PXDNL: variants seen among roughly 807,000 people sequenced by gnomAD.
The protein encoded by PXDNL is peroxidasin like.
PXDNL carries 145 observed loss-of-function variants against 150.8 expected under a neutral mutation model. The observed-to-expected ratio is 0.96, with a 90% CI of 0.84 to 1.10. PXDNL has a LOEUF of 1.10. Among genes scored for constraint, PXDNL ranks in the 50% least tolerant of loss-of-function variants. The pLI is 0.00. For missense variants in PXDNL, 2,087 were observed against 1,873.9 expected, an observed-to-expected ratio of 1.11 and a Z score of -2.10; for synonymous variants, 757 against 725.7, an observed-to-expected ratio of 1.04 and a Z score of -0.69.
At chr8:51,738,334 C>A (rs922360330) in intron 1 of PXDNL, among the ~76,000 whole-genome samples, 6 of 152,200 alleles carry the variant, frequency 3.9e-5, no homozygotes, top group Non-Finnish European at 8.8e-5. Flanking sequence ...GCCAAAGCCA[C>A]CATCTTCTGT....
intron 3 of PXDNL, among the ~76,000 whole-genome samples, chr8:51,577,988 A>G (rs1487375717): frequency 2.9e-4 from 22 of 75,206 alleles, no homozygotes; most frequent in South Asian, 1.4e-3. Context: ...AGAAAGAAAG[A>G]AAGAAAGAAA....
At chr8:51,809,144 G>A in intron 1 of PXDNL, 37 bp downstream of exon 1, 1 of 1,608,016 alleles carries the variant, frequency 6.2e-7, no homozygotes, top group South Asian at 1.1e-5. Context: ...ATGAAGCATT[G>A]GGGAAGAGGG....
chr8:51,544,389 C>A (rs1812305036), intron 4 of PXDNL, among the ~76,000 whole-genome samples: 1 of 152,124 alleles, frequency 6.6e-6, no homozygotes, highest in South Asian at 2.1e-4. Context: ...GATGATTACT[C>A]CTCCCTATGC....
chr8:51,373,144 T>C (rs1807179886), intron 18 of PXDNL, among the ~76,000 whole-genome samples: 1 of 152,066 alleles, frequency 6.6e-6, no homozygotes, highest in African/African-American at 2.4e-5. Context: ...GTATTTAAGG[T>C]AAAAATAGAT....
In PXDNL at chr8:51,409,429, C is replaced by A. The variant is rs779273087; in HGVS notation, c.2195G>T (p.Gly732Val). ...CFHAKYRAHDGTCNNLQQPTW... is the reference protein window; with the variant it reads ...CFHAKYRAHDVTCNNLQQPTW... ...GGGCTGCTGCAGGTTGTTGCACGTG[C>A]CGTCGTGGGCGCGGTACTTCGCATG... The change falls in exon 17 of 23, where the codon GGC becomes GTC. Residue 732 changes from glycine to valine, a missense_variant. Transcript: ENST00000356297. The A allele has an allele frequency of 1.2e-6, 2 of 1,612,232 alleles. No individual in the cohort carries two copies. Among genetic ancestry groups the A allele is most frequent in the South Asian group, 2.2e-5 (2 of 91,060 alleles).
chr8:51,715,597 G>T (rs568887758), intron 1 of PXDNL, among the ~76,000 whole-genome samples: 1 of 152,052 alleles, frequency 6.6e-6, no homozygotes, highest in Non-Finnish European at 1.5e-5. Context: ...GACCTCCTGC[G>T]GCAGAACGTA....
intron 19 of PXDNL, among the ~76,000 whole-genome samples, chr8:51,358,167 TA>T (rs951951528): frequency 9.8e-5 from 15 of 152,308 alleles, no homozygotes; most frequent in African/African-American, 3.6e-4. Context: ...AGTATAAGAT[TA>T]AAAATGAAAC....
chr8:51,451,429 G>C lies in PXDNL; in HGVS notation c.1249+2090C>G, dbSNP rs151094415. Among the ~76,000 whole-genome samples the C allele has an allele frequency of 1.8e-3, 273 of 152,296 alleles. 2 individuals are homozygous for C. Among genetic ancestry groups the C allele is most frequent in the African/African-American group, 6.4e-3 (265 of 41,572 alleles). ...GGAATGATGAAGCTGACATCTTTGG[G>C]CTTTCCATTTAAAATGATGGCCTTC... On this transcript the variant is annotated intron_variant, in intron 10 of 22. Transcript: ENST00000356297.
intron 17 of PXDNL, among the ~76,000 whole-genome samples, chr8:51,379,481 C>T (rs1040858152): frequency 6.6e-6 from 1 of 151,616 alleles, no homozygotes; most frequent in Admixed American, 6.6e-5. Context: ...TAGTTTTTTT[C>T]TTACTGAAAT....
At chr8:51,736,192 C>T (rs1413323658) in intron 1 of PXDNL, among the ~76,000 whole-genome samples, 1 of 152,294 alleles carries the variant, frequency 6.6e-6, no homozygotes, top group Middle Eastern at 3.4e-3. Context: ...GAGGAACATA[C>T]ATTTATGTCG....
rs572162769 is a variant in PXDNL, at chr8:51,472,752, G to C, written c.695-448C>G. Among the ~76,000 whole-genome samples, 20 of 152,240 alleles carry C rather than the reference G, an allele frequency of 1.3e-4. No individual in the cohort carries two copies. In the South Asian group the frequency reaches 4.1e-3, roughly 32 times the overall value. On this transcript the variant is annotated intron_variant, in intron 7 of 22. Transcript: ENST00000356297. The stretch of plus-strand genomic sequence containing the variant: ...ATGTCTAGACCTCAAAACTGGTTGA[G>C]CAAAATTCTTATCTATATAAATGAA...
At chr8:51,379,336 A>C (rs1807460663) in intron 17 of PXDNL, among the ~76,000 whole-genome samples, 1 of 152,178 alleles carries the variant, frequency 6.6e-6, no homozygotes, top group African/African-American at 2.4e-5. Flanking sequence ...TTATTTTCCT[A>C]GGGCTAACCT....
chr8:51,708,279 A>G (rs1230891281), intron 1 of PXDNL, among the ~76,000 whole-genome samples: 1 of 152,226 alleles, frequency 6.6e-6, no homozygotes, highest in Non-Finnish European at 1.5e-5. Context: ...ACCCTGGAGC[A>G]GGAAGGGGAG....
chr8:51,516,373 G>C lies in PXDNL; in HGVS notation c.381-16603C>G, dbSNP rs372118603. 2.2e-4 allele frequency among the ~76,000 whole-genome samples: 33 copies of C among 152,324 alleles called. 2 individuals are homozygous for C. The East Asian group carries it at 4.6e-3, about 21-fold the overall frequency. On this transcript the variant is annotated intron_variant, in intron 4 of 22. Transcript: ENST00000356297. Reference sequence around the variant, plus strand: ...TAATTTTCACTTGGGCTGTAGAGCAGATAAACTGGTATTTAAGCCTGGGCG... The same window carrying C: ...TAATTTTCACTTGGGCTGTAGAGCACATAAACTGGTATTTAAGCCTGGGCG...
Position 51,753,542 on chromosome 8 carries a change from C to T in PXDNL, c.164+55639G>A, listed in dbSNP as rs150239702. Among the ~76,000 whole-genome samples, 123 of 152,262 alleles carry T rather than the reference C, an allele frequency of 8.1e-4. 2 individuals carry two copies. In the East Asian group the frequency reaches 0.019, roughly 24 times the overall value. The stretch of plus-strand genomic sequence containing the variant: ...ATGTGTTCATTCTGATCCATAGTAT[C>T]GCATGATCATCCTTAAACAGGAACT... On this transcript the variant is annotated intron_variant, in intron 1 of 22. Transcript: ENST00000356297.
chr8:51,566,084 C>T (rs943230669), intron 3 of PXDNL, among the ~76,000 whole-genome samples: 2 of 151,772 alleles, frequency 1.3e-5, no homozygotes, highest in Non-Finnish European at 2.9e-5. Context: ...TCTTCCCTAA[C>T]CTGTTGATAT....
intron 1 of PXDNL, among the ~76,000 whole-genome samples, chr8:51,800,862 T>A (rs1012412229): frequency 1.3e-5 from 2 of 152,150 alleles, no homozygotes; most frequent in Non-Finnish European, 2.9e-5. Context: ...ATTGTACAAA[T>A]TGATTATAGA....
intron 4 of PXDNL, among the ~76,000 whole-genome samples, chr8:51,529,550 G>A (rs1811845917): frequency 1.3e-5 from 2 of 152,138 alleles, no homozygotes; most frequent in Admixed American, 6.5e-5. Flanking sequence ...AGATGTCTGG[G>A]TGAATTGGGA....
intron 4 of PXDNL, among the ~76,000 whole-genome samples, chr8:51,509,491 C>T (rs180817436): frequency 4.2e-4 from 64 of 152,178 alleles, no homozygotes; most frequent in Non-Finnish European, 8.2e-4. Context: ...AGCATTCAAG[C>T]TGTTGCTCTC....
Sources: allele counts gnomAD v4.1 joint callset (sites outside exome capture counted in the v4.1 genomes callset), GRCh38; gene constraint gnomAD v4.1.1; transcripts MANE v1.5; gene names NCBI Gene and HGNC (gene_info 2026-07-23, HGNC 2026-07-21).